CCDC66: variants seen among roughly 807,000 people sequenced by gnomAD.
The protein encoded by CCDC66 is coiled-coil domain containing 66, also known as coiled-coil domain-containing protein 66.
Under a neutral mutation model 128.3 loss-of-function variants are expected in CCDC66, and 133 were observed. That is an observed-to-expected ratio of 1.04 (90% CI 0.90 to 1.20). The LOEUF (loss-of-function observed/expected upper bound fraction) is 1.20. Among genes scored for constraint, CCDC66 ranks in the 50% most tolerant of loss-of-function variants. CCDC66 has a pLI of 0.00. For missense variants in CCDC66, 1,126 were observed against 1,075.5 expected, an observed-to-expected ratio of 1.05 and a Z score of -0.66; for synonymous variants, 387 against 357.0, an observed-to-expected ratio of 1.08 and a Z score of -0.95.
intron 7 of CCDC66, among the ~76,000 whole-genome samples, chr3:56,577,438 T>C (rs2067571052): frequency 6.6e-6 from 1 of 151,890 alleles, no homozygotes; most frequent in Non-Finnish European, 1.5e-5. Flanking sequence ...TAGATCCCAT[T>C]TGTCAATTTT....
chr3:56,575,789 T>C (rs1226083429), intron 7 of CCDC66, among the ~76,000 whole-genome samples: 1 of 151,878 alleles, frequency 6.6e-6, no homozygotes. Flanking sequence ...TTTATTCTTT[T>C]GCATGTGGAC....
chr3:56,605,995 A>T (rs574443988), intron 10 of CCDC66, among the ~76,000 whole-genome samples: 1 of 151,982 alleles, frequency 6.6e-6, no homozygotes, highest in Non-Finnish European at 1.5e-5. Flanking sequence ...TAGAGAGGCA[A>T]TCTGGCCACA....
chr3:56,620,763 GGATGTACACATTTACC>G (rs1428323991), intron 17 of CCDC66: 96 of 152,202 alleles, frequency 6.3e-4, no homozygotes, highest in African/African-American at 2.2e-3. Flanking sequence ...GGAAGGAATA[GGATGTACACATTTACC>G]CATCAATATA....
intron 10 of CCDC66, among the ~76,000 whole-genome samples, chr3:56,598,323 AATTTTTGCATAGGGG>A (rs2072499813): frequency 6.6e-6 from 1 of 151,826 alleles, no homozygotes; most frequent in African/African-American, 2.4e-5. Flanking sequence ...ATGCCTGGGT[AATTTTTGCATAGGGG>A]ACTTTTTATT....
At chr3:56,586,338 C>G (rs1357618675) in intron 7 of CCDC66, among the ~76,000 whole-genome samples, 1 of 151,052 alleles carries the variant, frequency 6.6e-6, no homozygotes, top group African/African-American at 2.4e-5. Context: ...ACCATCCTGG[C>G]CAACATGGTG....
At chr3:56,563,378 A>C (rs6781056) in intron 3 of CCDC66, 80,901 of 192,892 alleles carry the variant, frequency 0.42, 19,586 homozygotes, top group Non-Finnish European at 0.54. Context: ...AGTAGTTAAA[A>C]AAATTTTTTT....
chr3:56,561,223 G>C (rs1220142510), intron 3 of CCDC66: 1 of 455,816 alleles, frequency 2.2e-6, no homozygotes. Context: ...TAGATGAAAA[G>C]CTGTTTGTAA....
intron 7 of CCDC66, among the ~76,000 whole-genome samples, chr3:56,589,484 A>G (rs2070455438): frequency 2.0e-5 from 3 of 152,214 alleles, no homozygotes; most frequent in Non-Finnish European, 4.4e-5. Context: ...TACAAGAAAG[A>G]ATAATAAATC....
intron 10 of CCDC66, among the ~76,000 whole-genome samples, chr3:56,595,377 C>T (rs911235923): frequency 3.9e-5 from 6 of 152,150 alleles, no homozygotes; most frequent in African/African-American, 1.4e-4. Flanking sequence ...CATTAACCTA[C>T]CTCTCTTGAT....
intron 3 of CCDC66, chr3:56,563,410 G>T: frequency 3.7e-6 from 1 of 272,262 alleles, no homozygotes; most frequent in Admixed American, 5.1e-5. Flanking sequence ...AAAAAAAAGA[G>T]ATAATGTAGG....
intron 12 of CCDC66, 21 bp downstream of exon 12, chr3:56,615,293 T>A: frequency 3.5e-6 from 5 of 1,441,722 alleles, no homozygotes; most frequent in Non-Finnish European, 4.7e-6. Context: ...AACCAGAACT[T>A]TATTTATAAT....
Position 56,572,323 on chromosome 3 carries a change from T to A in CCDC66, c.936+1021T>A, listed in dbSNP as rs144388130. 3.2e-5 allele frequency: 41 copies of A among 1,280,810 alleles called. No individual in the cohort carries two copies. In the African/African-American group the frequency reaches 5.2e-4, roughly 16 times the overall value. 79.3% of individuals were successfully genotyped at this position (1,280,810 alleles called of 1,614,324 possible). A position where few individuals can be genotyped will look rare whatever the true frequency, so the allele number is the denominator to read the frequency against. On this transcript the variant is annotated intron_variant, in intron 7 of 17. Transcript: ENST00000394672. ...GTGTCACTGTTTTTCTATTTATTTTTACACTTCTGCTAGCTCTTCAAGCAT... is the reference window on the plus strand; with the variant it reads ...GTGTCACTGTTTTTCTATTTATTTTAACACTTCTGCTAGCTCTTCAAGCAT...
At chr3:56,567,403 A>C (rs1417292418) in intron 6 of CCDC66, among the ~76,000 whole-genome samples, 1 of 152,216 alleles carries the variant, frequency 6.6e-6, no homozygotes, top group East Asian at 1.9e-4. Context: ...AAATAAATAA[A>C]AAAGAATATG....
rs572108715 is a variant in CCDC66 at position 56,621,168 on chromosome 3, A to C, written c.2761-364A>C. The C allele has an allele frequency of 2.5e-3, 379 of 150,456 alleles. 5 individuals are homozygous for C. Among genetic ancestry groups the C allele is most frequent in the African/African-American group, 8.9e-3 (357 of 39,908 alleles). The allele number at this position is 150,456 out of a possible 1,614,324, so 9.3% of individuals were successfully genotyped here. On this transcript the variant is annotated intron_variant, in intron 17 of 17. Transcript: ENST00000394672. ...AGCGAGACTCCATCTCCAAAAAAAA[A>C]CAAAACAACAACAACAAAAAAAAAA...
intron 7 of CCDC66, among the ~76,000 whole-genome samples, chr3:56,580,171 C>G (rs2068086478): frequency 6.6e-6 from 1 of 151,832 alleles, no homozygotes; most frequent in Non-Finnish European, 1.5e-5. Context: ...TAATGGCCTT[C>G]TTTGTCTCTT....
intron 14 of CCDC66, 195 bp downstream of exon 14, chr3:56,617,800 T>C (rs993247008): frequency 3.3e-5 from 21 of 628,802 alleles, no homozygotes; most frequent in Non-Finnish European, 5.6e-5. Flanking sequence ...ACTCATTCTT[T>C]TATGAATTGT....
chr3:56,620,682 G>GTTAT (rs987592594), intron 17 of CCDC66: 74 of 152,300 alleles, frequency 4.9e-4, no homozygotes, highest in African/African-American at 1.8e-3. Context: ...TTTTACATAA[G>GTTAT]TTATTTCTTT....
rs1285868501 is a variant in CCDC66 at position 56,558,856 on chromosome 3, A to C, written c.22A>C (p.Lys8Gln). 1 of 1,548,790 alleles carries C rather than the reference A, an allele frequency of 6.5e-7. No homozygotes were observed. Among genetic ancestry groups the C allele is most frequent in the East Asian group, 2.5e-5 (1 of 40,760 alleles). Residue 8 changes from lysine to glutamine, a missense_variant, in exon 2 of 18, where the codon AAG becomes CAG. Transcript: ENST00000394672. MNLGDGL[K>Q]LETELLDGKT... ...CTTTTTTTATTACAGAGATGGTTTA[A>C]AGCTTGAAACTGAATTACTGGATGG...
At chr3:56,606,622 C>T (rs551992343) in intron 10 of CCDC66, among the ~76,000 whole-genome samples, 1 of 152,006 alleles carries the variant, frequency 6.6e-6, no homozygotes, top group Non-Finnish European at 1.5e-5. Context: ...CACTGTCCAA[C>T]CAGTCCCAAT....
Sources: allele counts gnomAD v4.1 joint callset (sites outside exome capture counted in the v4.1 genomes callset), GRCh38; gene constraint gnomAD v4.1.1; transcripts MANE v1.5; gene names NCBI Gene and HGNC (gene_info 2026-07-23, HGNC 2026-07-21).